FMN1: variants seen among roughly 807,000 people sequenced by gnomAD.
FMN1 encodes formin 1.
Under a neutral mutation model 132.4 loss-of-function variants are expected in FMN1, and 110 were observed. The ratio of observed to expected loss-of-function variants is 0.83; its 90% CI spans 0.71 to 0.97. FMN1 has a LOEUF of 0.97. Among genes scored for constraint, FMN1 ranks in the 50% least tolerant of loss-of-function variants. FMN1 has a pLI of 0.00. For missense variants in FMN1, 1,792 were observed against 1,705.3 expected (o/e 1.05, Z -0.90); for synonymous variants, 722 against 651.7 (o/e 1.11, Z -1.64).
intron 7 of FMN1, among the ~76,000 whole-genome samples, chr15:32,971,492 C>T (rs2031788473): frequency 6.6e-6 from 1 of 152,130 alleles, no homozygotes; most frequent in Admixed American, 6.5e-5. Context: ...GTTTCAACAT[C>T]GTATCATTTC....
chr15:33,019,086 T>C (rs750580833), intron 6 of FMN1, among the ~76,000 whole-genome samples: 4 of 152,178 alleles, frequency 2.6e-5, no homozygotes, highest in African/African-American at 2.4e-5. Context: ...TTTATTCTCT[T>C]ACCTGGCCCC....
intron 16 of FMN1, among the ~76,000 whole-genome samples, chr15:32,858,726 A>C (rs947927562): frequency 2.6e-5 from 4 of 152,234 alleles, no homozygotes; most frequent in African/African-American, 7.2e-5. Context: ...AACAACTAGA[A>C]CAAATTCTAT....
At chr15:32,996,179 G>A (rs1210219914) in intron 7 of FMN1, among the ~76,000 whole-genome samples, 1 of 152,168 alleles carries the variant, frequency 6.6e-6, no homozygotes, top group Non-Finnish European at 1.5e-5. Flanking sequence ...AAATGACCAA[G>A]TTACAACATT....
At chr15:32,935,839 G>A (rs2061255324) in intron 9 of FMN1, among the ~76,000 whole-genome samples, 1 of 152,014 alleles carries the variant, frequency 6.6e-6, no homozygotes, top group Non-Finnish European at 1.5e-5. Context: ...CGTTGGGCAT[G>A]CTGGTCTTGA....
In FMN1 at chr15:33,112,013, T is replaced by G. The variant is rs143055130; in HGVS notation, c.1868-23039A>C. ...TTTTATATGAATTGGTTGTATCACA[T>G]TTTACTGTAATTTTTTGGAAAGAAC... On this transcript the variant is annotated intron_variant, in intron 4 of 20. Coordinates refer to ENST00000616417, the MANE Select transcript of FMN1 (RefSeq NM_001277313.2). Among the ~76,000 whole-genome samples, 549 of 152,278 alleles carry G rather than the reference T, an allele frequency of 3.6e-3. 4 individuals carry two copies. Among genetic ancestry groups the G allele is most frequent in the African/African-American group, 0.013 (523 of 41,578 alleles).
chr15:32,909,618 T>C (rs538732523), intron 11 of FMN1, among the ~76,000 whole-genome samples: 4 of 152,312 alleles, frequency 2.6e-5, no homozygotes, highest in African/African-American at 7.2e-5. Context: ...CAGTACACTA[T>C]AGAGCCCTAG....
chr15:32,900,094 A>G lies in FMN1; in HGVS notation c.3539T>C (p.Ile1180Thr), dbSNP rs749389695. Residue 1180 changes from isoleucine to threonine, a missense_variant, in exon 14 of 21, where the codon ATT becomes ACT. This residue lies in a region of FMN1 where 1,150 missense variants were observed against 1,043.1 expected (regional missense o/e 1.10). Transcript: ENST00000616417. ...TCCAAAAGCCAAGATGAGAGCTAAAATATCCTTCACGCTCTTCACGTGCAG... is the reference window on the plus strand; with the variant it reads ...TCCAAAAGCCAAGATGAGAGCTAAAGTATCCTTCACGCTCTTCACGTGCAG... ...DLLHVKSVKD[I>T]LALILAFGNY... 6.2e-6 allele frequency: 10 copies of G among 1,613,794 alleles called. No individual in the cohort carries two copies. Among genetic ancestry groups the G allele is most frequent in the South Asian group, 3.3e-5 (3 of 91,080 alleles).
At chr15:32,816,678 A>G (rs147419848) in intron 17 of FMN1, among the ~76,000 whole-genome samples, 42 of 149,278 alleles carry the variant, frequency 2.8e-4, no homozygotes, top group African/African-American at 1.0e-3. Flanking sequence ...GTGATTCTTT[A>G]TAGGTTCCTG....
chr15:32,927,655 T>C (rs779787960), intron 9 of FMN1, among the ~76,000 whole-genome samples: 32 of 152,198 alleles, frequency 2.1e-4, no homozygotes, highest in Non-Finnish European at 3.1e-4. Context: ...GAATATTCCA[T>C]GGAGAAGTCT....
chr15:33,187,250 T>A (rs1965918633), intron 2 of FMN1, among the ~76,000 whole-genome samples: 1 of 152,028 alleles, frequency 6.6e-6, no homozygotes, highest in Admixed American at 6.6e-5. Flanking sequence ...TCAGGAGAGG[T>A]ATGTGGTAAG....
At chr15:32,784,914 T>C (rs1019142643) in intron 19 of FMN1, among the ~76,000 whole-genome samples, 2 of 152,182 alleles carry the variant, frequency 1.3e-5, no homozygotes, top group African/African-American at 4.8e-5. Flanking sequence ...TTGCCTCCTT[T>C]GCTTTTAATA....
Position 33,154,529 on chromosome 15 carries a change from T to G in FMN1, c.386A>C (p.Glu129Ala), listed in dbSNP as rs1371501646. Reference protein sequence around the residue: ...LQELSVSLAPEDDCFQSAGDW... With the variant: ...LQELSVSLAPADDCFQSAGDW... ...ACCAGCACTCTGGAAACAGTCATCC[T>G]CGGGGGCCAGGCTCACGGACAGCTC... The change falls in exon 4 of 21, where the codon GAG becomes GCG. Residue 129 changes from glutamate to alanine, a missense_variant. This residue lies in a region of FMN1 where 638 missense variants were observed against 645.2 expected (regional missense o/e 0.99). Coordinates refer to ENST00000616417, the MANE Select transcript of FMN1 (RefSeq NM_001277313.2). 1 of 1,536,124 alleles carries G rather than the reference T, an allele frequency of 6.5e-7. No individual in the cohort carries two copies. Among genetic ancestry groups the G allele is most frequent in the Non-Finnish European group, 8.7e-7 (1 of 1,146,908 alleles).
intron 5 of FMN1, among the ~76,000 whole-genome samples, chr15:33,078,408 C>T (rs2038308658): frequency 6.6e-6 from 1 of 152,044 alleles, no homozygotes; most frequent in African/African-American, 2.4e-5. Flanking sequence ...TTAAATAAAA[C>T]AAGTATATAT....
At chr15:33,124,900 C>G (rs1566937526) in intron 4 of FMN1, among the ~76,000 whole-genome samples, 2 of 151,148 alleles carry the variant, frequency 1.3e-5, no homozygotes, top group Non-Finnish European at 2.9e-5. Flanking sequence ...TTGTTTGGCA[C>G]AAGGGCAAAT....
intron 7 of FMN1, among the ~76,000 whole-genome samples, chr15:32,982,913 G>A (rs921092019): frequency 6.6e-6 from 1 of 152,004 alleles, no homozygotes; most frequent in African/African-American, 2.4e-5. Context: ...TTACCCTGCA[G>A]ATTTTGGAAC....
At chr15:33,026,600 T>C (rs951988115) in intron 6 of FMN1, among the ~76,000 whole-genome samples, 5 of 152,344 alleles carry the variant, frequency 3.3e-5, no homozygotes, top group Admixed American at 2.6e-4. Context: ...ATAATGCATA[T>C]ATAAGCATTG....
chr15:33,129,895 C>T (rs1221555095), intron 4 of FMN1, among the ~76,000 whole-genome samples: 1 of 151,316 alleles, frequency 6.6e-6, no homozygotes, highest in Non-Finnish European at 1.5e-5. Flanking sequence ...CAGGTTCAAG[C>T]CATTCCCCTA....
At chr15:33,150,109 C>T in intron 4 of FMN1, 2 of 985,452 alleles carry the variant, frequency 2.0e-6, no homozygotes, top group Non-Finnish European at 2.4e-6. Flanking sequence ...TACTCAAGAG[C>T]ATACTAAAGA....
intron 4 of FMN1, among the ~76,000 whole-genome samples, chr15:33,139,803 T>A (rs1258172625): frequency 6.6e-6 from 1 of 152,166 alleles, no homozygotes; most frequent in Admixed American, 6.5e-5. Context: ...TAATCATCTA[T>A]AACATGAAGA....
Sources: gnomAD v4.1 joint callset for allele counts (sites outside exome capture counted in the v4.1 genomes callset) on GRCh38, gnomAD v4.1.1 for gene constraint, gnomAD v4.1.1 regional missense constraint, MANE v1.5 for transcripts, NCBI Gene and HGNC (gene_info 2026-07-23, HGNC 2026-07-21) for gene names.